REV1: variants seen among roughly 807,000 people sequenced by gnomAD.
REV1 encodes translesion synthesis protein REV1.
In REV1, 42 loss-of-function variants were observed where a neutral mutation model predicts 137.4. That is an observed-to-expected ratio of 0.31 (90% confidence interval 0.24 to 0.40). REV1 has a LOEUF of 0.40. REV1 is among the 10% of genes least tolerant of loss of function. The pLI, the probability that REV1 is intolerant of heterozygous loss-of-function variation, is 1.00. For synonymous variants in REV1, 524 were observed against 519.2 expected (o/e 1.01, Z -0.12); for missense variants, 1,282 against 1,490.1 (o/e 0.86, Z 2.30).
intron 3 of REV1, among the ~76,000 whole-genome samples, chr2:99,453,151 G>C (rs62155804): frequency 6.6e-6 from 1 of 152,160 alleles, no homozygotes; most frequent in African/African-American, 2.4e-5. Context: ...ACGAGATCAA[G>C]AGATCGAGAC....
chr2:99,410,971 A>G lies in REV1; in HGVS notation c.2173-104T>C, dbSNP rs192062903. On this transcript the variant is annotated intron_variant, in intron 13 of 22. Coordinates refer to ENST00000258428, the MANE Select transcript of REV1 (RefSeq NM_016316.4). ...TGAATATTAAACATGTTGGTTACTC[A>G]CTATCACGCTCAGCATCTATTAAAA... 8.4e-6 allele frequency: 9 copies of G among 1,073,090 alleles called. No homozygotes were observed. The African/African-American group carries it at 1.5e-4, about 18-fold the overall frequency. The allele number at this position is 1,073,090 out of a possible 1,614,324, so 66.5% of individuals were successfully genotyped here.
chr2:99,467,963 G>A (rs993735845), intron 1 of REV1, among the ~76,000 whole-genome samples: 3 of 152,134 alleles, frequency 2.0e-5, no homozygotes, highest in African/African-American at 4.8e-5. Flanking sequence ...GACAGATCAC[G>A]TGAGGCGGGG....
At chr2:99,414,841 T>C (rs1041822954) in intron 12 of REV1, among the ~76,000 whole-genome samples, 7 of 152,226 alleles carry the variant, frequency 4.6e-5, no homozygotes, top group African/African-American at 1.7e-4. Context: ...CATCCTGGGT[T>C]GTGTTAGTGT....
chr2:99,454,598 A>T (rs1683332432), intron 3 of REV1, among the ~76,000 whole-genome samples: 1 of 146,862 alleles, frequency 6.8e-6, no homozygotes, highest in African/African-American at 2.5e-5. Context: ...AAAACCCAAA[A>T]ATTACGTGTG....
At chr2:99,476,196 G>A (rs1381946842) in intron 1 of REV1, among the ~76,000 whole-genome samples, 4 of 152,166 alleles carry the variant, frequency 2.6e-5, no homozygotes, top group African/African-American at 7.2e-5. Context: ...GTTCCTGGGA[G>A]GTAATCCTTT....
At chr2:99,423,917 C>T (rs1459760720) in intron 10 of REV1, among the ~76,000 whole-genome samples, 1 of 152,170 alleles carries the variant, frequency 6.6e-6, no homozygotes, top group East Asian at 1.9e-4. Flanking sequence ...TCAGATCTTA[C>T]ATCAACCAAG....
At chr2:99,431,576 A>T (rs957957730) in intron 8 of REV1, among the ~76,000 whole-genome samples, 1 of 152,192 alleles carries the variant, frequency 6.6e-6, no homozygotes, top group African/African-American at 2.4e-5. Flanking sequence ...CAAGTTGGAG[A>T]ATTACCTGAC....
Position 99,418,898 on chromosome 2 carries a change from A to G in REV1, c.1881T>C (p.Asp627=), listed in dbSNP as rs1224547839. The change falls in exon 12 of 23, where the codon GAT becomes GAC. Residue 627 remains aspartate, a synonymous_variant. Coordinates refer to ENST00000258428, the MANE Select transcript of REV1 (RefSeq NM_016316.4). The part of the protein sequence containing the change: ...ARMATRKAKP[D]GQYHLKPEEV... ...CTTCTGGTTTTAGGTGGTACTGCCC[A>G]TCTGGTTTTGCTTTTCTAGTTGCCA... The G allele has an allele frequency of 1.2e-6, 2 of 1,612,906 alleles. No homozygotes were observed. Among genetic ancestry groups the G allele is most frequent in the East Asian group, 4.5e-5 (2 of 44,832 alleles).
At chr2:99,412,107 C>T (rs1337298872) in intron 13 of REV1, among the ~76,000 whole-genome samples, 4 of 151,596 alleles carry the variant, frequency 2.6e-5, no homozygotes, top group African/African-American at 9.7e-5. Context: ...GTGGCGGGTG[C>T]CTGTAATCCC....
At chr2:99,458,965 T>C (rs1258199144) in intron 3 of REV1, among the ~76,000 whole-genome samples, 1 of 152,010 alleles carries the variant, frequency 6.6e-6, no homozygotes, top group African/African-American at 2.4e-5. Flanking sequence ...TCCCAGCACT[T>C]TGGGAGGCCA....
At chr2:99,412,670 G>C (rs1351978216) in intron 13 of REV1, 61 bp downstream of exon 13, 3 of 1,211,360 alleles carry the variant, frequency 2.5e-6, no homozygotes, top group Non-Finnish European at 3.7e-6. Flanking sequence ...TAGTTGTAGA[G>C]GTAGGACTAT....
intron 4 of REV1, among the ~76,000 whole-genome samples, chr2:99,447,495 T>C (rs1682373359): frequency 6.6e-6 from 1 of 152,050 alleles, no homozygotes; most frequent in South Asian, 2.1e-4. Flanking sequence ...CTAGAGATAG[T>C]AATGTACTTT....
intron 12 of REV1, among the ~76,000 whole-genome samples, chr2:99,415,862 G>A (rs922440360): frequency 1.6e-4 from 25 of 152,256 alleles, no homozygotes; most frequent in African/African-American, 5.3e-4. Context: ...AAAAAGCCCT[G>A]CAAAGATCCA....
chr2:99,474,623 C>T (rs944893781), intron 1 of REV1, among the ~76,000 whole-genome samples: 21 of 152,148 alleles, frequency 1.4e-4, no homozygotes, highest in African/African-American at 4.3e-4. Flanking sequence ...AAGCAGAAGT[C>T]GGGAGCGATG....
intron 3 of REV1, among the ~76,000 whole-genome samples, chr2:99,460,394 T>C (rs1016729039): frequency 2.6e-5 from 4 of 152,146 alleles, no homozygotes; most frequent in Admixed American, 6.5e-5. Context: ...TCTTTCACAA[T>C]AGCAATGAGC....
chr2:99,403,246 G>A, intron 19 of REV1, 140 bp from the exon 20 acceptor site: 2 of 688,170 alleles, frequency 2.9e-6, no homozygotes, highest in South Asian at 4.0e-5. Context: ...GTGAGAGGCA[G>A]TGAATGGCAA....
intron 12 of REV1, among the ~76,000 whole-genome samples, chr2:99,415,399 T>C (rs1416512255): frequency 1.3e-5 from 2 of 152,192 alleles, no homozygotes; most frequent in East Asian, 1.9e-4. Flanking sequence ...AGGGGAACTA[T>C]TACCCTAGGT....
intron 8 of REV1, among the ~76,000 whole-genome samples, chr2:99,431,392 G>A (rs1342758716): frequency 6.6e-6 from 1 of 152,086 alleles, no homozygotes; most frequent in East Asian, 1.9e-4. Context: ...TTTTAAAAGG[G>A]TAAATATAAA....
intron 1 of REV1, among the ~76,000 whole-genome samples, chr2:99,472,466 C>T (rs1160778547): frequency 6.6e-6 from 1 of 152,110 alleles, no homozygotes; most frequent in Non-Finnish European, 1.5e-5. Context: ...GATGGTTGCA[C>T]AACAATGTGA....
Sources: gnomAD v4.1 joint callset for allele counts (sites outside exome capture counted in the v4.1 genomes callset) on GRCh38, gnomAD v4.1.1 for gene constraint, MANE v1.5 for transcripts, NCBI Gene and HGNC (gene_info 2026-07-23, HGNC 2026-07-21) for gene names.